The following JPT1 variants were observed in gnomAD, a reference collection of about 807,000 sequenced individuals.
JPT1 encodes androgen-regulated protein 2.
A neutral mutation model predicts 17.0 loss-of-function variants in JPT1; 5 were observed. The observed-to-expected ratio is 0.29, with a 90% CI of 0.15 to 0.62. The LOEUF (loss-of-function observed/expected upper bound fraction) is 0.62. Ranked by LOEUF, JPT1 falls within the 20% of genes least tolerant of loss-of-function variation. The pLI, the probability that JPT1 is intolerant of heterozygous loss-of-function variation, is 0.85. For missense variants in JPT1, 158 were observed against 188.1 expected, an observed-to-expected ratio of 0.84 and a Z score of 0.94; for synonymous variants, 71 against 73.6, an observed-to-expected ratio of 0.96 and a Z score of 0.18.
At chr17:75,144,867 TGTG>T (rs775767612) in intron 4 of JPT1, among the ~76,000 whole-genome samples, 6 of 151,634 alleles carry the variant, frequency 4.0e-5, no homozygotes, top group Non-Finnish European at 7.4e-5. Context: ...TGATGATTGT[TGTG>T]GTGTGAAAAA....
intron 1 of JPT1, among the ~76,000 whole-genome samples, chr17:75,150,020 C>A (rs1409998495): frequency 6.6e-6 from 1 of 152,170 alleles, no homozygotes; most frequent in Non-Finnish European, 1.5e-5. Context: ...CCCATGAGGG[C>A]AAAGTCAGTA....
chr17:75,145,976 G>A (rs2074423039), intron 4 of JPT1: 1 of 152,104 alleles, frequency 6.6e-6, no homozygotes, highest in African/African-American at 2.4e-5. Flanking sequence ...TACTAGGGAG[G>A]CTGAGGTGGG....
At chr17:75,146,845 G>T in intron 3 of JPT1, 161 bp from the exon 4 acceptor site, 1 of 579,194 alleles carries the variant, frequency 1.7e-6, no homozygotes, top group Non-Finnish European at 3.1e-6. Flanking sequence ...ATCCAACTCA[G>T]GACAATGCTA....
intron 4 of JPT1, chr17:75,141,084 C>G (rs1032809835): frequency 6.6e-6 from 1 of 152,518 alleles, no homozygotes; most frequent in Non-Finnish European, 1.5e-5. Context: ...GAGCAAGACT[C>G]CATCTCAAAA....
intron 4 of JPT1, among the ~76,000 whole-genome samples, chr17:75,144,526 A>T (rs1000108112): frequency 1.3e-5 from 2 of 152,260 alleles, no homozygotes; most frequent in Middle Eastern, 3.4e-3. Context: ...AAAATAAAAA[A>T]AAATGTATCA....
intron 4 of JPT1, chr17:75,141,292 C>A (rs963895211): frequency 2.6e-5 from 4 of 152,126 alleles, no homozygotes; most frequent in African/African-American, 9.7e-5. Flanking sequence ...TATTATTGTG[C>A]CCCTTTTCAT....
intron 4 of JPT1, among the ~76,000 whole-genome samples, chr17:75,138,714 A>T (rs2074254469): frequency 6.6e-6 from 1 of 152,080 alleles, no homozygotes; most frequent in African/African-American, 2.4e-5. Flanking sequence ...GGCCAAGAAG[A>T]GGTCTTTAAC....
At chr17:75,146,223 T>TGCTC (rs571065607) in intron 4 of JPT1, among the ~76,000 whole-genome samples, 12 of 152,206 alleles carry the variant, frequency 7.9e-5, no homozygotes, top group Non-Finnish European at 1.8e-4. Context: ...GTGTGATCTC[T>TGCTC]GCTCACTGCA....
chr17:75,140,831 C>T (rs959015944), intron 4 of JPT1, among the ~76,000 whole-genome samples: 2 of 152,180 alleles, frequency 1.3e-5, no homozygotes, highest in Non-Finnish European at 2.9e-5. Flanking sequence ...GTGGCTCACG[C>T]CTGTAATCCC....
At position 75,136,162 on chromosome 17, in the gene JPT1, C is replaced by A. The variant is rs1454304012; in HGVS notation, c.405G>T (p.Pro135=). ...GATTTCTTCTGGATGGCACTGGGGCCGGGGCCACCGGGCTGGGCACAGGCG... is the reference window on the plus strand; with the variant it reads ...GATTTCTTCTGGATGGCACTGGGGCAGGGGCCACCGGGCTGGGCACAGGCG... The part of the protein sequence containing the change: ...PAAPVPSPVA[P]APVPSRRNPP... The change falls in exon 5 of 5, where the codon CCG becomes CCT. Residue 135 remains proline, a synonymous_variant. Transcript: ENST00000409753. 6.2e-7 allele frequency: 1 copy of A among 1,614,114 alleles called. No individual in the cohort carries two copies. The highest frequency in any genetic ancestry group is 1.1e-5 in the South Asian group (1 of 91,080).
At position 75,135,878 on chromosome 17, in the gene JPT1, T is replaced by G; in HGVS notation, c.*224A>C. The G allele has an allele frequency of 2.3e-6, 2 of 875,418 alleles. No individual in the cohort carries two copies. The highest frequency in any genetic ancestry group is 5.2e-5 in the East Asian group (2 of 38,726). The allele number at this position is 875,418 out of a possible 1,614,324, so 54.2% of individuals were successfully genotyped here. A position where few individuals can be genotyped will look rare whatever the true frequency, so the allele number is the denominator to read the frequency against. ...CACAGTACTAAGTGTCACAAAGCTT[T>G]CCCTCCAATCTACTACTAGAAAACA... is the stretch of plus-strand genomic sequence containing the variant. On this transcript the variant is annotated 3_prime_UTR_variant, in exon 5 of 5. Transcript: ENST00000409753.
chr17:75,146,630 G>A, intron 4 of JPT1, 36 bp downstream of exon 4: 1 of 1,498,842 alleles, frequency 6.7e-7, no homozygotes, highest in Non-Finnish European at 9.1e-7. Flanking sequence ...TAAAACCATG[G>A]ACAGAGCCAG....
chr17:75,146,129 ATG>A (rs373592213), intron 4 of JPT1, among the ~76,000 whole-genome samples: 2 of 152,070 alleles, frequency 1.3e-5, no homozygotes, highest in African/African-American at 2.4e-5. Flanking sequence ...ATTAATATGT[ATG>A]TGTGTGTGTT....
At chr17:75,154,212 C>T (rs1166956736) in intron 1 of JPT1, 130 bp downstream of exon 1, 2 of 613,234 alleles carry the variant, frequency 3.3e-6, no homozygotes, top group South Asian at 7.6e-5. Flanking sequence ...GGCAGAACCC[C>T]GCCACCCGCC....
rs1307546368 is a variant in JPT1, at chr17:75,147,589, AGAG to A, written c.261_263del (p.Ser88del). 1.9e-6 allele frequency: 3 copies of A among 1,614,056 alleles called. No individual in the cohort carries two copies. Among genetic ancestry groups the A allele is most frequent in the South Asian group, 1.1e-5 (1 of 91,088 alleles). On this transcript the variant is annotated inframe_deletion, in exon 3 of 5. Transcript: ENST00000409753. ...CTAAGAAGTCTCCGGAGCTTGCTTC[AGAG>A]GAGTTCCTTCTCTGCAGTCCAGATG...
intron 1 of JPT1, chr17:75,149,211 C>A: frequency 2.4e-6 from 1 of 423,032 alleles, no homozygotes; most frequent in South Asian, 1.8e-5. Flanking sequence ...TAAAAATTAG[C>A]CAAGCGTAGT....
intron 1 of JPT1, 150 bp from the exon 2 acceptor site, chr17:75,148,821 T>C: frequency 1.0e-6 from 1 of 976,346 alleles, no homozygotes; most frequent in Non-Finnish European, 1.5e-6. Context: ...AAGAATCAAC[T>C]CCATCAGTGT....
At chr17:75,150,107 A>C (rs2074519078) in intron 1 of JPT1, among the ~76,000 whole-genome samples, 1 of 152,186 alleles carries the variant, frequency 6.6e-6, no homozygotes, top group Non-Finnish European at 1.5e-5. Context: ...CTTTCTGTTC[A>C]ACATGGTAAT....
At chr17:75,151,824 C>A (rs1172231559) in intron 1 of JPT1, among the ~76,000 whole-genome samples, 1 of 151,962 alleles carries the variant, frequency 6.6e-6, no homozygotes, top group African/African-American at 2.4e-5. Context: ...ATAAAATTAG[C>A]CAGGCGTTTT....
Sources: allele counts gnomAD v4.1 joint callset (sites outside exome capture counted in the v4.1 genomes callset), GRCh38; gene constraint gnomAD v4.1.1; transcripts MANE v1.5; gene names NCBI Gene and HGNC (gene_info 2026-07-23, HGNC 2026-07-21).